RAB3GAP2: variants seen among roughly 807,000 people sequenced by gnomAD.
RAB3GAP2 encodes the protein RAB3 GTPase activating non-catalytic protein subunit 2, also known as rab3 GTPase-activating protein non-catalytic subunit.
RAB3GAP2 carries 87 observed loss-of-function variants against 185.3 expected under a neutral mutation model. The observed-to-expected ratio is 0.47, with a 90% confidence interval of 0.39 to 0.56. RAB3GAP2 has a LOEUF of 0.56. Ranked by LOEUF, RAB3GAP2 falls within the 20% of genes least tolerant of loss-of-function variation. The probability of loss-of-function intolerance (pLI) is 0.00; values close to 1 mark genes in which losing one functional copy is unlikely to be tolerated. For synonymous variants in RAB3GAP2, 554 were observed against 576.1 expected, an observed-to-expected ratio of 0.96 and a Z score of 0.55; for missense variants, 1,492 against 1,638.2, an observed-to-expected ratio of 0.91 and a Z score of 1.54.
chr1:220,155,832 G>T (rs1456810990), intron 31 of RAB3GAP2, among the ~76,000 whole-genome samples: 2 of 151,994 alleles, frequency 1.3e-5, no homozygotes, highest in Non-Finnish European at 2.9e-5. Flanking sequence ...TTTCACAAAG[G>T]CCTTTTCTGA....
Position 220,213,981 on chromosome 1 carries a change from T to C in RAB3GAP2, c.181-2A>G. ...TTTGCAAGTATTTCCTTCTTCTTCC[T>C]GTGGGTAAAACTACAATTACTGCAT... On this transcript the variant is annotated splice_acceptor_variant, in intron 2 of 34. Transcript: ENST00000358951. LOFTEE classifies it high-confidence loss of function. 1 of 1,613,364 alleles carries C rather than the reference T, an allele frequency of 6.2e-7. No individual in the cohort carries two copies. The highest frequency in any genetic ancestry group is 8.5e-7 in the Non-Finnish European group (1 of 1,179,560).
At chr1:220,157,979 T>A in intron 29 of RAB3GAP2, 103 bp from the exon 30 acceptor site, 1 of 856,192 alleles carries the variant, frequency 1.2e-6, no homozygotes, top group Non-Finnish European at 1.9e-6. Context: ...CAGCTGACTT[T>A]CCACACTGAA....
chr1:220,182,596 A>G, intron 20 of RAB3GAP2, 122 bp downstream of exon 20: 1 of 1,182,586 alleles, frequency 8.5e-7, no homozygotes, highest in Non-Finnish European at 1.2e-6. Flanking sequence ...AAAATACAGT[A>G]CATTAAATCC....
intron 33 of RAB3GAP2, 122 bp from the exon 34 acceptor site, chr1:220,151,886 G>T: frequency 2.9e-6 from 3 of 1,033,824 alleles, no homozygotes; most frequent in Non-Finnish European, 4.3e-6. Context: ...TTTATCTTTT[G>T]ATTGTATACA....
chr1:220,229,689 G>T (rs1659464202), intron 2 of RAB3GAP2, among the ~76,000 whole-genome samples: 1 of 152,184 alleles, frequency 6.6e-6, no homozygotes, highest in African/African-American at 2.4e-5. Context: ...GTATGTATCA[G>T]TGGGCTCATT....
chr1:220,271,808 A>T (rs1305479616), intron 1 of RAB3GAP2, among the ~76,000 whole-genome samples: 1 of 151,206 alleles, frequency 6.6e-6, no homozygotes, highest in Non-Finnish European at 1.5e-5. Context: ...GAGCGCTGAC[A>T]TGTGGCAAGG....
intron 1 of RAB3GAP2, among the ~76,000 whole-genome samples, chr1:220,247,019 T>C (rs1659830976): frequency 6.6e-6 from 1 of 152,102 alleles, no homozygotes; most frequent in Non-Finnish European, 1.5e-5. Context: ...TCAACATCAC[T>C]AATAATGAGG....
At chr1:220,153,093 CA>C in intron 33 of RAB3GAP2, 91 bp downstream of exon 33, 3 of 957,892 alleles carry the variant, frequency 3.1e-6, no homozygotes, top group South Asian at 2.6e-5. Flanking sequence ...AAAGGAAGAG[CA>C]AAAGGCTTCA....
intron 8 of RAB3GAP2, among the ~76,000 whole-genome samples, chr1:220,204,920 T>A (rs918078964): frequency 3.3e-5 from 5 of 152,100 alleles, no homozygotes; most frequent in African/African-American, 1.2e-4. Flanking sequence ...AACTCATCAT[T>A]TTTTATGGCT....
chr1:220,191,689 A>G (rs1460020467), intron 13 of RAB3GAP2, among the ~76,000 whole-genome samples: 1 of 151,958 alleles, frequency 6.6e-6, no homozygotes, highest in African/African-American at 2.4e-5. Flanking sequence ...ATGGCGGCGC[A>G]TGCCTGTAAT....
chr1:220,259,581 C>T (rs1660096700), intron 1 of RAB3GAP2, among the ~76,000 whole-genome samples: 1 of 152,036 alleles, frequency 6.6e-6, no homozygotes, highest in Non-Finnish European at 1.5e-5. Flanking sequence ...ACAACATATA[C>T]AAAATTTAAC....
chr1:220,239,025 CT>C (rs1659643683), intron 1 of RAB3GAP2, among the ~76,000 whole-genome samples: 2 of 152,244 alleles, frequency 1.3e-5, no homozygotes, highest in South Asian at 4.2e-4. Flanking sequence ...AAATGACATT[CT>C]TACTCAAATC....
intron 1 of RAB3GAP2, chr1:220,267,398 C>T: frequency 7.8e-7 from 1 of 1,282,390 alleles, no homozygotes; most frequent in African/African-American, 1.5e-5. Context: ...TGATGCTCCA[C>T]TCCTGCTTTC....
intron 7 of RAB3GAP2, among the ~76,000 whole-genome samples, chr1:220,209,478 C>T (rs1343667815): frequency 2.0e-5 from 3 of 152,102 alleles, no homozygotes; most frequent in Non-Finnish European, 4.4e-5. Context: ...ATGAAATTTT[C>T]TTATTTTCCT....
intron 8 of RAB3GAP2, among the ~76,000 whole-genome samples, chr1:220,205,595 T>G (rs1229595877): frequency 2.6e-5 from 4 of 152,144 alleles, no homozygotes; most frequent in Non-Finnish European, 4.4e-5. Flanking sequence ...AATACTAGGG[T>G]TGGTTGTCAA....
intron 21 of RAB3GAP2, among the ~76,000 whole-genome samples, chr1:220,178,140 A>G (rs1443414591): frequency 6.6e-6 from 1 of 152,210 alleles, no homozygotes; most frequent in African/African-American, 2.4e-5. Context: ...GTGGGGCAGT[A>G]TGTTCAGAGT....
rs530554485 is a variant in RAB3GAP2, at chr1:220,244,929, G to T, written c.116-12066C>A. ...ATTGGCTTAGGCAAAGTATTCCTAA[G>T]ACCCCAAAAGCAAGTGCAGCAAAAA... On this transcript the variant is annotated intron_variant, in intron 1 of 34. Transcript: ENST00000358951. Among the ~76,000 whole-genome samples, 168 of 152,222 alleles carry T rather than the reference G, an allele frequency of 1.1e-3. 4 individuals carry two copies. Among genetic ancestry groups the T allele is most frequent in the Non-Finnish European group, 1.9e-4 (13 of 68,004 alleles).
chr1:220,195,894 A>G (rs776054706), intron 10 of RAB3GAP2, among the ~76,000 whole-genome samples: 1 of 152,202 alleles, frequency 6.6e-6, no homozygotes, highest in African/African-American at 2.4e-5. Context: ...TATAACAAGT[A>G]TAGTTGGCAG....
chr1:220,173,830 C>T (rs1334818161), intron 21 of RAB3GAP2, among the ~76,000 whole-genome samples: 1 of 151,988 alleles, frequency 6.6e-6, no homozygotes, highest in African/African-American at 2.4e-5. Flanking sequence ...ACCATCCTGG[C>T]TAACGTGGTG....
Sources: allele counts gnomAD v4.1 joint callset (sites outside exome capture counted in the v4.1 genomes callset), GRCh38; gene constraint gnomAD v4.1.1; transcripts MANE v1.5; gene names NCBI Gene and HGNC (gene_info 2026-07-23, HGNC 2026-07-21).